The following LOC128092253 variants were observed in gnomAD, a reference collection of about 807,000 sequenced individuals.
At chr6:133,973,287 GCTT>G in the LOC128092253 span, among the ~76,000 whole-genome samples, 1 of 152,270 alleles carries the variant, frequency 6.6e-6, no homozygotes, top group Middle Eastern at 3.4e-3. Context: ...GTCCTCCCCT[GCTT>G]CTGCCATTTC....
the LOC128092253 span, among the ~76,000 whole-genome samples, chr6:133,964,879 A>G: frequency 2.0e-5 from 3 of 152,228 alleles, no homozygotes; most frequent in East Asian, 3.8e-4. Flanking sequence ...GGGTAACTCT[A>G]TAAAAACAGT....
At chr6:133,964,052 C>T in the LOC128092253 span, among the ~76,000 whole-genome samples, 1 of 151,928 alleles carries the variant, frequency 6.6e-6, no homozygotes, top group Non-Finnish European at 1.5e-5. Flanking sequence ...AAAAAAAGAA[C>T]CAATGTTCCA....
the LOC128092253 span, among the ~76,000 whole-genome samples, chr6:133,968,532 G>GT: frequency 6.6e-6 from 1 of 152,106 alleles, no homozygotes; most frequent in African/African-American, 2.4e-5. Context: ...AAATTTGTGA[G>GT]TTTTTTTATT....
chr6:133,971,146 C>CT, the LOC128092253 span, among the ~76,000 whole-genome samples: 2,345 of 145,454 alleles, frequency 0.016, 50 homozygotes, highest in Admixed American at 0.066. Context: ...GATGATAACA[C>CT]TTTTTTTTTT....
At chr6:133,962,156 G>A in the LOC128092253 span, among the ~76,000 whole-genome samples, 5 of 152,194 alleles carry the variant, frequency 3.3e-5, no homozygotes, top group Non-Finnish European at 5.9e-5. Context: ...GGAAGTGGAA[G>A]ATTAGGTTAT....
chr6:133,959,446 T>C, the LOC128092253 span, among the ~76,000 whole-genome samples: 1 of 152,176 alleles, frequency 6.6e-6, no homozygotes, highest in Non-Finnish European at 1.5e-5. Flanking sequence ...TCTAACACAT[T>C]GTTAATTTTT....
At chr6:133,967,070 C>G in the LOC128092253 span, among the ~76,000 whole-genome samples, 4 of 152,186 alleles carry the variant, frequency 2.6e-5, no homozygotes, top group African/African-American at 9.7e-5. Context: ...ATGCCACTTT[C>G]CTTTTCACTT....
At chr6:133,962,178 C>T in the LOC128092253 span, among the ~76,000 whole-genome samples, 2 of 152,050 alleles carry the variant, frequency 1.3e-5, no homozygotes, top group Non-Finnish European at 2.9e-5. Flanking sequence ...TAAGGAAGAT[C>T]GGGGGTGGGA....
chr6:133,955,964 T>C, the LOC128092253 span, among the ~76,000 whole-genome samples: 1 of 152,230 alleles, frequency 6.6e-6, no homozygotes, highest in African/African-American at 2.4e-5. Context: ...AACAAATATT[T>C]ATGAAACATA....
At chr6:133,961,017 C>T in the LOC128092253 span, among the ~76,000 whole-genome samples, 1 of 152,186 alleles carries the variant, frequency 6.6e-6, no homozygotes, top group African/African-American at 2.4e-5. Flanking sequence ...TGACCTAAAA[C>T]CATTAGTAAC....
the LOC128092253 span, among the ~76,000 whole-genome samples, chr6:133,971,786 T>C: frequency 6.6e-6 from 1 of 152,196 alleles, no homozygotes; most frequent in South Asian, 2.1e-4. Flanking sequence ...AGATTATTTC[T>C]TTTGCTGAGT....
At chr6:133,976,899 C>T in the LOC128092253 span, among the ~76,000 whole-genome samples, 4 of 149,440 alleles carry the variant, frequency 2.7e-5, no homozygotes, top group East Asian at 2.0e-4. Context: ...ATCCAGGAGG[C>T]GGAGGTTGCC....
chr6:133,960,767 A>G, the LOC128092253 span, among the ~76,000 whole-genome samples: 1 of 152,184 alleles, frequency 6.6e-6, no homozygotes, highest in African/African-American at 2.4e-5. Flanking sequence ...CAGGGTGGCC[A>G]TTCTCTGATG....
the LOC128092253 span, among the ~76,000 whole-genome samples, chr6:133,956,082 T>A: frequency 6.6e-6 from 1 of 152,208 alleles, no homozygotes; most frequent in Non-Finnish European, 1.5e-5. Context: ...GAGGACTGTT[T>A]TTAGATGAAG....
the LOC128092253 span, among the ~76,000 whole-genome samples, chr6:133,978,322 C>T: frequency 1.3e-5 from 2 of 152,176 alleles, no homozygotes; most frequent in African/African-American, 4.8e-5. Flanking sequence ...ACTTTTCATA[C>T]ATTATATAAT....
chr6:133,965,180 G>A, the LOC128092253 span, among the ~76,000 whole-genome samples: 1 of 152,074 alleles, frequency 6.6e-6, no homozygotes, highest in Non-Finnish European at 1.5e-5. Flanking sequence ...TAATTTAATG[G>A]CTAAATTAGT....
chr6:133,975,925 TGG>T, the LOC128092253 span, among the ~76,000 whole-genome samples: 1 of 152,196 alleles, frequency 6.6e-6, no homozygotes, highest in South Asian at 2.1e-4. Flanking sequence ...CTTAAATATA[TGG>T]TAGTGCCATG....
the LOC128092253 span, among the ~76,000 whole-genome samples, chr6:133,963,598 T>C: frequency 7.9e-5 from 12 of 152,272 alleles, no homozygotes; most frequent in East Asian, 2.3e-3. Context: ...TTTTTGTATT[T>C]TTTTGTCGAG....
At chr6:133,965,320 A>G in the LOC128092253 span, among the ~76,000 whole-genome samples, 492 of 152,350 alleles carry the variant, frequency 3.2e-3, 3 homozygotes, top group African/African-American at 0.011. Flanking sequence ...AGACCTGCTC[A>G]AGAAAACAAA....
Sources: allele counts gnomAD v4.1 joint callset (sites outside exome capture counted in the v4.1 genomes callset), GRCh38; gene constraint gnomAD v4.1.1; transcripts MANE v1.5.